PDE4DIP: variants seen among roughly 807,000 people sequenced by gnomAD.
PDE4DIP encodes the protein myomegalin.
Under a neutral mutation model 221.4 loss-of-function variants are expected in PDE4DIP, and 59 were observed. The ratio of observed to expected loss-of-function variants is 0.27; its 90% CI spans 0.22 to 0.33. The LOEUF (loss-of-function observed/expected upper bound fraction) is 0.33. PDE4DIP is among the 10% of genes least tolerant of loss of function. The pLI is 1.00. For synonymous variants in PDE4DIP, 404 were observed against 815.9 expected (o/e 0.50, Z 8.60); for missense variants, 1,036 against 2,154.2 (o/e 0.48, Z 10.28).
At chr1:149,030,308 A>G in intron 43 of PDE4DIP, 30 bp downstream of exon 46, 6 of 1,549,910 alleles carry the variant, frequency 3.9e-6, no homozygotes, top group Non-Finnish European at 4.4e-6. Context: ...AGTCAGAGGC[A>G]CCAAGCCTGT....
chr1:149,010,496 A>T (rs782185460), exon 31 of PDE4DIP: 1 of 1,611,068 alleles, frequency 6.2e-7, no homozygotes, highest in Admixed American at 1.7e-5. Flanking sequence ...ACCATCATCA[A>T]CCAGTGCATC....
chr1:149,015,252 GTA>G (rs199963836), intron 32 of PDE4DIP, among the ~76,000 whole-genome samples: 1,953 of 151,684 alleles, frequency 0.013, 38 homozygotes, highest in African/African-American at 0.044. Flanking sequence ...CCAGGAATCA[GTA>G]TATGTTTCCA....
chr1:148,836,879 T>C (rs200178150), intron 1 of PDE4DIP, among the ~76,000 whole-genome samples: 18 of 12,472 alleles, frequency 1.4e-3, no homozygotes, highest in African/African-American at 4.5e-3. Flanking sequence ...TATCACCATC[T>C]GGCATATTGT....
Position 148,949,609 on chromosome 1 carries a change from T to C in PDE4DIP, c.637-11045T>C, listed in dbSNP as rs1234491564. ...AGGTAACCAGTTCAACTGCAAACTCTTGACCACAAGATAATAATGGTAAGG... is the reference window on the plus strand; with the variant it reads ...AGGTAACCAGTTCAACTGCAAACTCCTGACCACAAGATAATAATGGTAAGG... On this transcript the variant is annotated intron_variant, in intron 5 of 43. Transcript: ENST00000369354. Among the ~76,000 whole-genome samples the C allele has an allele frequency of 3.3e-5, 5 of 152,334 alleles. No homozygotes were observed. In the East Asian group the frequency reaches 7.7e-4, roughly 23 times the overall value.
At position 149,028,575 on chromosome 1, in the gene PDE4DIP, G is replaced by T. The variant is rs587744989; in HGVS notation, c.6685G>T (p.Gly2229Cys). ...CTTTCCCCAGGTGCTAGGCAGCAAAGGTATTCATGAGCTTCGGAGCAGCAC... is the reference window on the plus strand; with the variant it reads ...CTTTCCCCAGGTGCTAGGCAGCAAATGTATTCATGAGCTTCGGAGCAGCAC... Residue 2229 changes from glycine (G) to cysteine (C), a missense_variant, in exon 41 of 44, where the codon GGT becomes TGT. Gly to Cys is a radical substitution (Grantham distance 159). Coordinates refer to ENST00000369354, the Ensembl canonical transcript of PDE4DIP. 20 of 1,610,936 alleles carry T rather than the reference G, an allele frequency of 1.2e-5. No homozygotes were observed. The African/African-American group carries it at 1.7e-4, about 14-fold the overall frequency.
intron 41 of PDE4DIP, among the ~76,000 whole-genome samples, chr1:149,029,489 A>G (rs1212449309): frequency 6.6e-6 from 1 of 152,186 alleles, no homozygotes; most frequent in Non-Finnish European, 1.5e-5. Context: ...TCAGGACTAA[A>G]GCAAGGTCCT....
intron 9 of PDE4DIP, 62 bp from the exon 13 acceptor site, chr1:148,965,422 C>T (rs2057959432): frequency 2.2e-6 from 2 of 901,374 alleles, no homozygotes; most frequent in African/African-American, 3.3e-5. Flanking sequence ...TTTAAGGCCT[C>T]TGTATCTAAT....
intron 27 of PDE4DIP, among the ~76,000 whole-genome samples, chr1:149,006,981 C>T (rs1336611967): frequency 3.7e-5 from 5 of 136,608 alleles, no homozygotes; most frequent in South Asian, 2.6e-4. Context: ...GGATTACAGG[C>T]GTGAGCTACC....
At chr1:148,944,184 G>A (rs1330955520) in intron 5 of PDE4DIP, among the ~76,000 whole-genome samples, 1 of 152,208 alleles carries the variant, frequency 6.6e-6, no homozygotes, top group African/African-American at 2.4e-5. Context: ...TTGGAAGATG[G>A]AAGAAGAGAA....
chr1:148,948,384 C>T (rs190152190), intron 5 of PDE4DIP, among the ~76,000 whole-genome samples: 1 of 151,034 alleles, frequency 6.6e-6, no homozygotes, highest in Non-Finnish European at 1.5e-5. Flanking sequence ...TAAGGTGGGG[C>T]GCAGTGGAAC....
chr1:148,981,841 CCATT>C (rs1288883755), intron 21 of PDE4DIP: 2 of 165,386 alleles, frequency 1.2e-5, no homozygotes, highest in African/African-American at 4.8e-5. Context: ...ATTATTTTTG[CCATT>C]CAGTCAACTC....
chr1:148,952,041 GT>G (rs1407757296), intron 5 of PDE4DIP: 1 of 1,009,230 alleles, frequency 9.9e-7, no homozygotes, highest in Non-Finnish European at 1.2e-6. Flanking sequence ...GCCGGAGGAC[GT>G]GGCACTGTCC....
intron 4 of PDE4DIP, among the ~76,000 whole-genome samples, chr1:148,934,555 C>T (rs3855992): frequency 5.3e-5 from 8 of 152,128 alleles, no homozygotes; most frequent in Non-Finnish European, 8.8e-5. Flanking sequence ...TCCTCCTTCT[C>T]GTCATCATTG....
intron 43 of PDE4DIP, chr1:149,030,809 C>A (rs79197482): frequency 1.2e-4 from 118 of 982,504 alleles, no homozygotes; most frequent in Middle Eastern, 1.0e-3. Context: ...GGTCTAAAAG[C>A]GAATTTGTTA....
intron 1 of PDE4DIP, among the ~76,000 whole-genome samples, chr1:148,910,081 G>A (rs1303186655): frequency 5.2e-5 from 5 of 95,956 alleles, no homozygotes; most frequent in Non-Finnish European, 9.9e-5. Context: ...TATTTCTTTC[G>A]GGTAAATACC....
intron 4 of PDE4DIP, 122 bp from the exon 8 acceptor site, chr1:148,937,625 A>AATG: frequency 1.7e-6 from 1 of 603,666 alleles, no homozygotes; most frequent in East Asian, 2.7e-5. Flanking sequence ...CAAAAGGTTC[A>AATG]ATGATCCAAA....
chr1:148,932,894 G>A (rs2048369484), intron 4 of PDE4DIP, among the ~76,000 whole-genome samples: 1 of 152,076 alleles, frequency 6.6e-6, no homozygotes, highest in Non-Finnish European at 1.5e-5. Context: ...CTCATAAATG[G>A]GATTAATACG....
At chr1:148,949,350 CTTA>C (rs1383262869) in intron 5 of PDE4DIP, among the ~76,000 whole-genome samples, 1 of 149,622 alleles carries the variant, frequency 6.7e-6, no homozygotes, top group Non-Finnish European at 1.5e-5. Flanking sequence ...AAGTTATCTT[CTTA>C]TATTATATAT....
At chr1:148,978,209 C>A in intron 18 of PDE4DIP, 69 bp from the exon 22 acceptor site, 3 of 1,384,674 alleles carry the variant, frequency 2.2e-6, no homozygotes, top group Non-Finnish European at 2.0e-6. Context: ...GACATTTGTT[C>A]CCGTGCTACT....
Sources: gnomAD v4.1 joint callset for allele counts (sites outside exome capture counted in the v4.1 genomes callset) on GRCh38, gnomAD v4.1.1 for gene constraint, MANE v1.5 for transcripts, NCBI Gene and HGNC (gene_info 2026-07-23, HGNC 2026-07-21) for gene names.